Variants in KDM4C observed in about 807,000 individuals in gnomAD.
KDM4C encodes the protein lysine demethylase 4C, also known as lysine-specific demethylase 4C.
KDM4C carries 81 observed loss-of-function variants against 129.3 expected under a neutral mutation model. The ratio of observed to expected loss-of-function variants is 0.63; its 90% confidence interval spans 0.52 to 0.75. The LOEUF (loss-of-function observed/expected upper bound fraction) is 0.75, where lower values mean the gene tolerates loss of function less well. KDM4C is among the 30% of genes least tolerant of loss of function. KDM4C has a pLI of 0.00. For missense variants in KDM4C, 1,457 were observed against 1,304.0 expected (o/e 1.12, Z -1.81); for synonymous variants, 573 against 456.1 (o/e 1.26, Z -3.26).
At chr9:6,752,633 C>T (rs1237475154) in intron 1 of KDM4C, among the ~76,000 whole-genome samples, 1 of 151,870 alleles carries the variant, frequency 6.6e-6, no homozygotes, top group Non-Finnish European at 1.5e-5. Flanking sequence ...TGATCTCAAA[C>T]TCCTGACCTC....
chr9:6,833,855 C>T (rs550859886), intron 4 of KDM4C, among the ~76,000 whole-genome samples: 33 of 152,164 alleles, frequency 2.2e-4, no homozygotes, highest in South Asian at 1.5e-3. Context: ...TTGTCCAATC[C>T]GCAGCCCAGT....
chr9:7,023,419 T>A (rs1389343603), intron 15 of KDM4C, among the ~76,000 whole-genome samples: 1 of 152,160 alleles, frequency 6.6e-6, no homozygotes, highest in Non-Finnish European at 1.5e-5. Flanking sequence ...TTCCTATTTA[T>A]TGGCATATAG....
chr9:6,963,464 G>C, intron 8 of KDM4C, among the ~76,000 whole-genome samples: 1 of 152,152 alleles, frequency 6.6e-6, no homozygotes, highest in East Asian at 1.9e-4. Context: ...CAGTAGTATC[G>C]TGCCGCATAT....
At chr9:6,817,162 G>T in intron 4 of KDM4C, among the ~76,000 whole-genome samples, 1 of 149,582 alleles carries the variant, frequency 6.7e-6, no homozygotes. Flanking sequence ...AAGTTGAATG[G>T]ATATAGATGA....
In KDM4C at chr9:6,990,544, TG is replaced by T; in HGVS notation, c.1786+23del. On this transcript the variant is annotated intron_variant, in intron 12 of 21. Transcript: ENST00000381309. The stretch of plus-strand genomic sequence containing the variant: ...ATGAAGGTGAGATGGTGACCCTTTT[TG>T]GGATTTTTTTTTTTTTTTTTGGTGT... The T allele has an allele frequency of 1.4e-6, 2 of 1,435,040 alleles. No individual in the cohort carries two copies. Among genetic ancestry groups the T allele is most frequent in the East Asian group, 4.9e-5 (2 of 40,954 alleles). 88.9% of individuals were successfully genotyped at this position (1,435,040 alleles called of 1,614,324 possible).
rs73639826 is a variant in KDM4C, at chr9:7,148,276, G to A, written c.2782-16962G>A. Among the ~76,000 whole-genome samples, 923 of 152,348 alleles carry A rather than the reference G, an allele frequency of 6.1e-3. 8 individuals are homozygous for A. Among genetic ancestry groups the A allele is most frequent in the African/African-American group, 0.021 (888 of 41,578 alleles). ...TGGCTTGGGGAACCTGAAGGTCTGGGCTCCCAGAAGAGCTGCAGCTTTTCT... is the reference window on the plus strand; with the variant it reads ...TGGCTTGGGGAACCTGAAGGTCTGGACTCCCAGAAGAGCTGCAGCTTTTCT... On this transcript the variant is annotated intron_variant, in intron 19 of 21. Transcript: ENST00000381309.
At chr9:6,967,598 G>A (rs1345381588) in intron 8 of KDM4C, among the ~76,000 whole-genome samples, 1 of 152,162 alleles carries the variant, frequency 6.6e-6, no homozygotes, top group Non-Finnish European at 1.5e-5. Context: ...GGCTTGTAGG[G>A]AAGATGCTGT....
intron 3 of KDM4C, among the ~76,000 whole-genome samples, chr9:6,807,796 G>A (rs1378165377): frequency 6.7e-6 from 1 of 149,152 alleles, no homozygotes; most frequent in Non-Finnish European, 1.5e-5. Context: ...GAGGTGGGGG[G>A]GGGGTCAGCC....
At chr9:6,796,388 G>A (rs563081251) in intron 2 of KDM4C, among the ~76,000 whole-genome samples, 1 of 152,278 alleles carries the variant, frequency 6.6e-6, no homozygotes, top group Admixed American at 6.5e-5. Context: ...GAGGGCAGAG[G>A]TTGGGGATAA....
At chr9:7,086,868 A>G (rs978903935) in intron 17 of KDM4C, among the ~76,000 whole-genome samples, 1 of 152,198 alleles carries the variant, frequency 6.6e-6, no homozygotes, top group South Asian at 2.1e-4. Flanking sequence ...TGCAGTCTGC[A>G]GGGTCTCCTG....
chr9:7,153,848 T>C (rs771680789), intron 19 of KDM4C, among the ~76,000 whole-genome samples: 21 of 151,550 alleles, frequency 1.4e-4, no homozygotes, highest in Non-Finnish European at 2.5e-4. Context: ...GCTGCAGCTA[T>C]GGGCAAGACC....
At chr9:6,830,708 A>T (rs1354675981) in intron 4 of KDM4C, among the ~76,000 whole-genome samples, 1 of 152,208 alleles carries the variant, frequency 6.6e-6, no homozygotes, top group Non-Finnish European at 1.5e-5. Context: ...CCAGAATTTT[A>T]TTCTGTGAAG....
At chr9:6,964,795 A>AAAAC (rs1554669520) in intron 8 of KDM4C, among the ~76,000 whole-genome samples, 3 of 149,976 alleles carry the variant, frequency 2.0e-5, no homozygotes, top group African/African-American at 4.9e-5. Flanking sequence ...AAAAAAAAAA[A>AAAAC]AAAAAACCAC....
intron 12 of KDM4C, among the ~76,000 whole-genome samples, chr9:7,004,818 T>A (rs1821357200): frequency 6.6e-6 from 1 of 152,190 alleles, no homozygotes; most frequent in South Asian, 2.1e-4. Context: ...TTAAACACAT[T>A]ACAGTGTTTA....
chr9:6,858,657 C>T (rs1588742141), intron 5 of KDM4C, among the ~76,000 whole-genome samples: 1 of 152,054 alleles, frequency 6.6e-6, no homozygotes, highest in East Asian at 1.9e-4. Context: ...CCTGTAATCC[C>T]AGCTACTCAA....
intron 1 of KDM4C, among the ~76,000 whole-genome samples, chr9:6,774,484 G>C (rs1822581273): frequency 6.6e-6 from 1 of 152,056 alleles, no homozygotes; most frequent in South Asian, 2.1e-4. Context: ...GGGCAAAATG[G>C]CGAGACCCTG....
chr9:6,732,162 T>G (rs189573041), intron 1 of KDM4C, among the ~76,000 whole-genome samples: 18 of 150,776 alleles, frequency 1.2e-4, no homozygotes, highest in East Asian at 5.9e-4. Context: ...GTCAGGAGAT[T>G]GAGACCATCC....
chr9:6,760,471 A>G (rs1204885314), intron 1 of KDM4C, among the ~76,000 whole-genome samples: 1 of 149,142 alleles, frequency 6.7e-6, no homozygotes, highest in African/African-American at 2.5e-5. Flanking sequence ...ATATAATGTA[A>G]TTGCTAGGTT....
At chr9:6,740,318 C>G (rs189193195) in intron 1 of KDM4C, among the ~76,000 whole-genome samples, 1 of 152,074 alleles carries the variant, frequency 6.6e-6, no homozygotes, top group African/African-American at 2.4e-5. Flanking sequence ...ATTCTCCTGC[C>G]TCAGCCTCCC....
Sources: gnomAD v4.1 joint callset for allele counts (sites outside exome capture counted in the v4.1 genomes callset) on GRCh38, gnomAD v4.1.1 for gene constraint, MANE v1.5 for transcripts, NCBI Gene and HGNC (gene_info 2026-07-23, HGNC 2026-07-21) for gene names.